Variants in STEAP1B observed in about 807,000 individuals in gnomAD.
The protein encoded by STEAP1B is STEAP family member 1B.
In STEAP1B, 13 loss-of-function variants were observed where a neutral mutation model predicts 27.9. The observed-to-expected ratio is 0.47, with a 90% confidence interval of 0.30 to 0.74. The LOEUF is 0.74. STEAP1B is among the 30% of genes least tolerant of loss of function. STEAP1B has a pLI of 0.06. For missense variants in STEAP1B, 250 were observed against 298.7 expected, an observed-to-expected ratio of 0.84 and a Z score of 1.20; for synonymous variants, 86 against 107.1, an observed-to-expected ratio of 0.80 and a Z score of 1.22.
At chr7:22,495,551 T>C (rs1475352727) in intron 1 of STEAP1B, 1 of 152,236 alleles carries the variant, frequency 6.6e-6, no homozygotes, top group Non-Finnish European at 1.5e-5. Context: ...TCACAGATCC[T>C]CATCCAGGAT....
intron 4 of STEAP1B, among the ~76,000 whole-genome samples, chr7:22,454,863 ATATT>A (rs1562572915): frequency 6.9e-4 from 52 of 75,122 alleles, no homozygotes; most frequent in African/African-American, 2.2e-3. Context: ...ATATATATAT[ATATT>A]TTTTTTTTTT....
chr7:22,454,736 C>T (rs541705060), intron 4 of STEAP1B, among the ~76,000 whole-genome samples: 1 of 132,620 alleles, frequency 7.5e-6, no homozygotes, highest in South Asian at 2.5e-4. Context: ...GGAGTAAGCA[C>T]AGCGGAACCA....
chr7:22,447,537 A>G (rs917731977), intron 4 of STEAP1B, among the ~76,000 whole-genome samples: 6 of 152,210 alleles, frequency 3.9e-5, no homozygotes, highest in African/African-American at 1.4e-4. Context: ...ATAGATTCCA[A>G]AGATGGAATG....
intron 4 of STEAP1B, among the ~76,000 whole-genome samples, chr7:22,450,599 GTT>G (rs143262366): frequency 7.2e-6 from 1 of 138,666 alleles, no homozygotes; most frequent in East Asian, 2.1e-4. Context: ...CTGTAGTTTT[GTT>G]TTTTTTTTTT....
At chr7:22,487,479 G>A (rs1358465601) in intron 4 of STEAP1B, among the ~76,000 whole-genome samples, 1 of 151,108 alleles carries the variant, frequency 6.6e-6, no homozygotes, top group Non-Finnish European at 1.5e-5. Context: ...AAAAAAAAAT[G>A]TCTTGCAAAG....
intron 4 of STEAP1B, among the ~76,000 whole-genome samples, chr7:22,421,270 T>C: frequency 6.6e-6 from 1 of 152,248 alleles, no homozygotes; most frequent in East Asian, 1.9e-4. Context: ...GAAAGGGCTA[T>C]AAAGGCAATG....
intron 3 of STEAP1B, 34 bp downstream of exon 3, chr7:22,493,290 T>C (rs1786366390): frequency 1.3e-6 from 2 of 1,564,674 alleles, no homozygotes; most frequent in East Asian, 2.3e-5. Flanking sequence ...ACTTAGACTT[T>C]TTATTAGTAA....
intron 4 of STEAP1B, among the ~76,000 whole-genome samples, chr7:22,485,535 C>G (rs911138641): frequency 6.6e-6 from 1 of 152,130 alleles, no homozygotes; most frequent in Admixed American, 6.5e-5. Context: ...GTTGCTAAGG[C>G]TAGAGTGCAG....
intron 4 of STEAP1B, among the ~76,000 whole-genome samples, chr7:22,421,415 C>G (rs1305344042): frequency 1.3e-5 from 2 of 152,196 alleles, no homozygotes; most frequent in Non-Finnish European, 1.5e-5. Flanking sequence ...CTTCTGTACC[C>G]ATTTGGCAGT....
At chr7:22,487,800 C>A in intron 4 of STEAP1B, among the ~76,000 whole-genome samples, 1 of 119,014 alleles carries the variant, frequency 8.4e-6, no homozygotes, top group South Asian at 2.6e-4. Flanking sequence ...AGCAAAACTC[C>A]ACCCAAAAAA....
intron 4 of STEAP1B, among the ~76,000 whole-genome samples, chr7:22,486,767 G>A (rs1029474123): frequency 2.0e-5 from 3 of 152,044 alleles, no homozygotes; most frequent in Admixed American, 1.3e-4. Context: ...AAGTCCTTCA[G>A]GGGCTCCCTC....
At chr7:22,432,618 G>C (rs967261207) in intron 4 of STEAP1B, among the ~76,000 whole-genome samples, 1 of 151,982 alleles carries the variant, frequency 6.6e-6, no homozygotes. Flanking sequence ...CCCAGTTTAT[G>C]GTATTTTGTG....
At chr7:22,477,263 A>G (rs954658958) in intron 4 of STEAP1B, among the ~76,000 whole-genome samples, 13 of 152,194 alleles carry the variant, frequency 8.5e-5, no homozygotes, top group African/African-American at 3.1e-4. Context: ...ATTGACTGTA[A>G]GATTTCCTCT....
intron 4 of STEAP1B, among the ~76,000 whole-genome samples, chr7:22,457,475 T>C (rs1489559907): frequency 6.6e-6 from 1 of 152,184 alleles, no homozygotes; most frequent in African/African-American, 2.4e-5. Flanking sequence ...ATGGAGGGCC[T>C]TTAGTGCCAA....
chr7:22,422,836 A>G (rs994376431), intron 4 of STEAP1B, among the ~76,000 whole-genome samples: 35 of 152,276 alleles, frequency 2.3e-4, no homozygotes, highest in Non-Finnish European at 4.3e-4. Context: ...AGTTTAAATC[A>G]GTCACATTAG....
Position 22,493,523 on chromosome 7 carries a change from C to T in STEAP1B, c.398G>A (p.Gly133Asp). ...ITLLALVYLP[G>D]VIAAIVQVHN... ...AACTTGGACAATTGCTGCTATCACA[C>T]CTGGTAGGTAAACCAATGCCAAGAG... Residue 133 changes from glycine to aspartate, a missense_variant, in exon 3 of 5, where the codon GGT becomes GAT. Transcript: ENST00000678116. The T allele has an allele frequency of 1.2e-6, 2 of 1,613,850 alleles. No individual in the cohort carries two copies. The highest frequency in any genetic ancestry group is 1.7e-6 in the Non-Finnish European group (2 of 1,179,844).
At chr7:22,441,821 G>A (rs1785338234) in intron 4 of STEAP1B, among the ~76,000 whole-genome samples, 1 of 152,268 alleles carries the variant, frequency 6.6e-6, no homozygotes, top group South Asian at 2.1e-4. Flanking sequence ...ACATACTGCG[G>A]CTTCACCACC....
chr7:22,438,660 C>T (rs1424146785), intron 4 of STEAP1B: 6 of 1,551,846 alleles, frequency 3.9e-6, no homozygotes, highest in African/African-American at 1.4e-5. Flanking sequence ...CACACTGCTG[C>T]TCCTGCCAGA....
At chr7:22,476,148 G>GT (rs1326295523) in intron 4 of STEAP1B, among the ~76,000 whole-genome samples, 1 of 152,202 alleles carries the variant, frequency 6.6e-6, no homozygotes, top group African/African-American at 2.4e-5. Flanking sequence ...ATTTCAGGCA[G>GT]TTGGTGGGAC....
Sources: allele counts gnomAD v4.1 joint callset (sites outside exome capture counted in the v4.1 genomes callset), GRCh38; gene constraint gnomAD v4.1.1; transcripts MANE v1.5; gene names NCBI Gene and HGNC (gene_info 2026-07-23, HGNC 2026-07-21).